The following IFTAP variants were observed in gnomAD, a reference collection of about 807,000 sequenced individuals.
IFTAP encodes the protein intraflagellar transport-associated protein.
A neutral mutation model predicts 19.4 loss-of-function variants in IFTAP; 19 were observed. That is an observed-to-expected ratio of 0.98 (90% CI 0.68 to 1.44). The LOEUF (loss-of-function observed/expected upper bound fraction) is 1.44, where lower values mean the gene tolerates loss of function less well. IFTAP is among the 40% of genes most tolerant of loss of function. IFTAP has a pLI of 0.00. For missense variants in IFTAP, 240 were observed against 253.6 expected (o/e 0.95, Z 0.36); for synonymous variants, 85 against 83.5 (o/e 1.02, Z -0.10).
intron 4 of IFTAP, among the ~76,000 whole-genome samples, chr11:36,638,358 C>A (rs1466373445): frequency 1.3e-5 from 2 of 152,050 alleles, no homozygotes; most frequent in Non-Finnish European, 2.9e-5. Flanking sequence ...AGATAACAAG[C>A]CTTCTTGTAT....
intron 5 of IFTAP, among the ~76,000 whole-genome samples, chr11:36,650,717 C>A (rs1294936286): frequency 1.3e-5 from 2 of 152,056 alleles, no homozygotes; most frequent in East Asian, 3.9e-4. Context: ...TCCCCCACCC[C>A]ACAACAGGCC....
At chr11:36,609,528 G>T (rs907549120) in intron 1 of IFTAP, among the ~76,000 whole-genome samples, 4 of 152,144 alleles carry the variant, frequency 2.6e-5, no homozygotes, top group Non-Finnish European at 4.4e-5. Flanking sequence ...GTAGGGAAGG[G>T]GGGGAGTGGA....
intron 1 of IFTAP, among the ~76,000 whole-genome samples, chr11:36,596,226 T>TG (rs201534997): frequency 6.6e-6 from 1 of 150,700 alleles, no homozygotes; most frequent in South Asian, 2.1e-4. Flanking sequence ...TTTTTTGTTT[T>TG]TTTTTTTTTT....
intron 2 of IFTAP, among the ~76,000 whole-genome samples, chr11:36,612,007 T>A (rs1019560169): frequency 6.6e-6 from 1 of 152,124 alleles, no homozygotes; most frequent in Non-Finnish European, 1.5e-5. Flanking sequence ...CACATTATTT[T>A]GGAAATCATC....
chr11:36,619,952 T>C (rs1310992626), intron 2 of IFTAP, among the ~76,000 whole-genome samples: 3 of 80,244 alleles, frequency 3.7e-5, no homozygotes, highest in Non-Finnish European at 6.5e-5. Context: ...TTACTTTAAC[T>C]GAAGACATAG....
intron 3 of IFTAP, among the ~76,000 whole-genome samples, chr11:36,635,823 C>T (rs1428197713): frequency 6.6e-6 from 1 of 152,136 alleles, no homozygotes; most frequent in Admixed American, 6.5e-5. Context: ...AGAGGCCTGA[C>T]TATGGTGCCT....
intron 1 of IFTAP, among the ~76,000 whole-genome samples, chr11:36,598,956 A>G (rs1490996718): frequency 6.6e-6 from 1 of 152,182 alleles, no homozygotes; most frequent in African/African-American, 2.4e-5. Flanking sequence ...TTAATATTCC[A>G]TAGTGATCTT....
chr11:36,633,907 C>T (rs1852828714), intron 3 of IFTAP, among the ~76,000 whole-genome samples: 3 of 152,070 alleles, frequency 2.0e-5, no homozygotes, highest in Admixed American at 2.0e-4. Flanking sequence ...AGACTCTTCA[C>T]ATTCTCCTCA....
At chr11:36,607,318 A>G (rs1334619113) in intron 1 of IFTAP, among the ~76,000 whole-genome samples, 1 of 152,164 alleles carries the variant, frequency 6.6e-6, no homozygotes, top group Admixed American at 6.5e-5. Context: ...CTTGTGAGGC[A>G]TGTGTAGTTT....
At chr11:36,641,905 G>T (rs1207820331) in intron 4 of IFTAP, among the ~76,000 whole-genome samples, 1 of 152,134 alleles carries the variant, frequency 6.6e-6, no homozygotes, top group Non-Finnish European at 1.5e-5. Flanking sequence ...TTGTGTGGGA[G>T]TCTAAGTCTC....
chr11:36,598,318 G>T (rs1851368196), intron 1 of IFTAP: 1 of 152,002 alleles, frequency 6.6e-6, no homozygotes, highest in African/African-American at 2.4e-5. Context: ...TCTTTCTTTA[G>T]ATGGTTGAGG....
rs143811003 is a variant in IFTAP, at chr11:36,595,804, C to T, written c.-24+1212C>T. 2.5e-4 allele frequency among the ~76,000 whole-genome samples: 38 copies of T among 152,330 alleles called. No individual in the cohort carries two copies. The East Asian group carries it at 5.2e-3, about 21-fold the overall frequency. ...TACCAAAAATAAGGTCTAGTGCATA[C>T]GCACCTGCCAGTAATGGCAGTTGAT... On this transcript the variant is annotated intron_variant, in intron 1 of 5. Coordinates refer to ENST00000334307, the MANE Select transcript of IFTAP (RefSeq NM_138787.4).
chr11:36,634,991 A>G (rs1313591399), intron 3 of IFTAP, among the ~76,000 whole-genome samples: 1 of 152,160 alleles, frequency 6.6e-6, no homozygotes, highest in African/African-American at 2.4e-5. Flanking sequence ...CAGAATTTCA[A>G]AATTTAGTAG....
At position 36,597,886 on chromosome 11, in the gene IFTAP, T is replaced by C. The variant is rs562840848; in HGVS notation, c.-24+3294T>C. Among the ~76,000 whole-genome samples the C allele has an allele frequency of 2.0e-5, 3 of 152,248 alleles. No homozygotes were observed. In the East Asian group the frequency reaches 5.8e-4, roughly 29 times the overall value. On this transcript the variant is annotated intron_variant, in intron 1 of 5. Coordinates refer to ENST00000334307, the MANE Select transcript of IFTAP (RefSeq NM_138787.4). ...AGAACGATTTATGTACGAAGATTAA[T>C]AATAGTGCTCTAAAGGCCTAATAAT...
intron 1 of IFTAP, among the ~76,000 whole-genome samples, chr11:36,603,881 C>T (rs1851595688): frequency 6.6e-6 from 1 of 150,492 alleles, no homozygotes; most frequent in Non-Finnish European, 1.5e-5. Flanking sequence ...GAGATTGCTC[C>T]ACTGCACTCG....
chr11:36,657,500 T>C (rs1234347036), intron 5 of IFTAP, among the ~76,000 whole-genome samples: 1 of 152,154 alleles, frequency 6.6e-6, no homozygotes, highest in Admixed American at 6.5e-5. Flanking sequence ...TGGTAGGCTG[T>C]GAGAATGGAT....
chr11:36,645,419 G>A (rs1277372997), intron 4 of IFTAP, among the ~76,000 whole-genome samples: 1 of 152,098 alleles, frequency 6.6e-6, no homozygotes, highest in East Asian at 1.9e-4. Flanking sequence ...TGCCAAGATG[G>A]TTGCATTTCA....
chr11:36,632,812 G>A lies in IFTAP; in HGVS notation c.137-472G>A, dbSNP rs181093343. Among the ~76,000 whole-genome samples the A allele has an allele frequency of 2.7e-4, 41 of 151,342 alleles. 1 individual carries two copies. The highest frequency in any genetic ancestry group is 1.0e-4 in the Non-Finnish European group (7 of 67,970). On this transcript the variant is annotated intron_variant, in intron 2 of 5. Transcript: ENST00000334307. ...TGGATTTTTAGAAGTGCATGGATAC[G>A]TAAAAAATATTAGATAGCCACTGAA... is the stretch of plus-strand genomic sequence containing the variant.
At chr11:36,623,100 T>G (rs548617698) in intron 2 of IFTAP, among the ~76,000 whole-genome samples, 1 of 152,250 alleles carries the variant, frequency 6.6e-6, no homozygotes, top group East Asian at 1.9e-4. Flanking sequence ...ACTTGGGAAT[T>G]TTACCTTATG....
Sources: gnomAD v4.1 joint callset for allele counts (sites outside exome capture counted in the v4.1 genomes callset) on GRCh38, gnomAD v4.1.1 for gene constraint, MANE v1.5 for transcripts, NCBI Gene and HGNC (gene_info 2026-07-23, HGNC 2026-07-21) for gene names.